The following MAML2 variants were observed in gnomAD, a reference collection of about 807,000 sequenced individuals.
The protein encoded by MAML2 is mastermind like transcriptional coactivator 2.
Under a neutral mutation model 96.1 loss-of-function variants are expected in MAML2, and 22 were observed. That is an observed-to-expected ratio of 0.23 (90% CI 0.16 to 0.33). MAML2 has a LOEUF of 0.33. MAML2 is among the 10% of genes least tolerant of loss of function. The pLI is 1.00. For synonymous variants in MAML2, 561 were observed against 521.3 expected, an observed-to-expected ratio of 1.08 and a Z score of -1.04; for missense variants, 1,367 against 1,392.4, an observed-to-expected ratio of 0.98 and a Z score of 0.29.
intron 1 of MAML2, among the ~76,000 whole-genome samples, chr11:96,122,144 G>A (rs1298742497): frequency 1.3e-5 from 2 of 151,438 alleles, no homozygotes; most frequent in Non-Finnish European, 2.9e-5. Context: ...CCTGAGAACT[G>A]ACCTGTGTAT....
intron 1 of MAML2, among the ~76,000 whole-genome samples, chr11:96,244,204 G>A (rs1862480998): frequency 6.6e-6 from 1 of 152,218 alleles, no homozygotes; most frequent in African/African-American, 2.4e-5. Context: ...TGTCTCCCTG[G>A]AGGGTAAGAC....
chr11:96,196,724 A>G (rs374061509), intron 1 of MAML2, among the ~76,000 whole-genome samples: 21 of 152,348 alleles, frequency 1.4e-4, no homozygotes, highest in African/African-American at 5.1e-4. Flanking sequence ...TCTAGGGTAA[A>G]TAAGGCTAAG....
intron 1 of MAML2, among the ~76,000 whole-genome samples, chr11:96,153,017 T>C (rs1346407444): frequency 1.3e-5 from 2 of 152,236 alleles, no homozygotes; most frequent in Non-Finnish European, 2.9e-5. Context: ...AGGGTAGTTT[T>C]ACCCACTGAT....
At chr11:96,136,425 G>A (rs1860633650) in intron 1 of MAML2, among the ~76,000 whole-genome samples, 1 of 151,762 alleles carries the variant, frequency 6.6e-6, no homozygotes, top group Non-Finnish European at 1.5e-5. Flanking sequence ...TATCACAAAT[G>A]TCTATTTAGC....
Position 95,982,926 on chromosome 11 carries a change from T to C in MAML2, c.2455+2605A>G, listed in dbSNP as rs7125659. Among the ~76,000 whole-genome samples the C allele has an allele frequency of 1.9e-3, 287 of 152,282 alleles. 1 individual carries two copies. The highest frequency in any genetic ancestry group is 2.8e-3 in the Non-Finnish European group (192 of 68,018). ...GTGACTTTCAGTCCTGTAAGCTCCA[T>C]TCATGGTGAGTGCCCTACACATATG... On this transcript the variant is annotated intron_variant, in intron 4 of 4. Coordinates refer to ENST00000524717, the MANE Select transcript of MAML2 (RefSeq NM_032427.4).
At chr11:96,088,125 G>A (rs1859647946) in intron 2 of MAML2, among the ~76,000 whole-genome samples, 1 of 152,190 alleles carries the variant, frequency 6.6e-6, no homozygotes, top group Admixed American at 6.5e-5. Context: ...TTGATATGGT[G>A]TAGAGAAGGA....
At position 95,979,164 on chromosome 11, in the gene MAML2, G is replaced by C; in HGVS notation, c.3255C>G (p.Ser1085Arg). 6.2e-7 allele frequency: 1 copy of C among 1,614,012 alleles called. No individual in the cohort carries two copies. The highest frequency in any genetic ancestry group is 8.5e-7 in the Non-Finnish European group (1 of 1,179,876). The part of the protein sequence containing the change: ...GINQPPSLTP[S>R]NFPSPNQSSR... ...AACTTTGGTTGGGTGAAGGAAAATT[G>C]CTGGGCGTCAGGGATGGTGGCTGGT... Residue 1085 changes from serine (S) to arginine (R), a missense_variant, in exon 5 of 5, where the codon AGC becomes AGG. Physicochemically the swap from Ser to Arg is moderately radical, Grantham distance 110 (BLOSUM62 -1). Coordinates refer to ENST00000524717, the MANE Select transcript of MAML2 (RefSeq NM_032427.4).
chr11:96,245,807 C>G (rs7101822), intron 1 of MAML2, among the ~76,000 whole-genome samples: 1 of 151,280 alleles, frequency 6.6e-6, no homozygotes, highest in Non-Finnish European at 1.5e-5. Context: ...GGGGTTCAAG[C>G]AATTCTCCTG....
intron 2 of MAML2, among the ~76,000 whole-genome samples, chr11:96,048,044 G>A (rs1054529258): frequency 1.3e-5 from 2 of 152,048 alleles, no homozygotes; most frequent in African/African-American, 2.4e-5. Context: ...GGAGGTGGTA[G>A]GTGGGGTAGT....
At chr11:96,051,500 GGCAT>G (rs1208511083) in intron 2 of MAML2, among the ~76,000 whole-genome samples, 2 of 152,032 alleles carry the variant, frequency 1.3e-5, no homozygotes, top group East Asian at 3.9e-4. Context: ...ATAAATTTGA[GGCAT>G]GCAGAAGCTG....
At chr11:96,146,772 T>A (rs78899941) in intron 1 of MAML2, among the ~76,000 whole-genome samples, 1,548 of 152,336 alleles carry the variant, frequency 0.01, 18 homozygotes, top group Admixed American at 0.021. Flanking sequence ...TTGACAGTTG[T>A]TCATTTGGGT....
At chr11:96,068,009 T>C (rs949450130) in intron 2 of MAML2, among the ~76,000 whole-genome samples, 20 of 152,180 alleles carry the variant, frequency 1.3e-4, no homozygotes, top group Non-Finnish European at 2.9e-4. Flanking sequence ...GAGAGAGTTT[T>C]ATGAAGAAAA....
intron 2 of MAML2, among the ~76,000 whole-genome samples, chr11:96,028,862 A>G (rs1858566365): frequency 6.6e-6 from 1 of 152,204 alleles, no homozygotes; most frequent in East Asian, 1.9e-4. Context: ...GGTCTTATCA[A>G]TAGTAACATC....
chr11:96,009,948 A>G (rs1858241667), intron 2 of MAML2, among the ~76,000 whole-genome samples: 1 of 152,210 alleles, frequency 6.6e-6, no homozygotes, highest in Non-Finnish European at 1.5e-5. Context: ...GCCTAACAGG[A>G]TTTATAAGGC....
intron 1 of MAML2, among the ~76,000 whole-genome samples, chr11:96,143,349 A>T (rs1860765044): frequency 6.6e-6 from 1 of 152,222 alleles, no homozygotes; most frequent in Non-Finnish European, 1.5e-5. Flanking sequence ...GAAGATTCAG[A>T]TGGACAGTCC....
At chr11:96,095,167 G>C (rs1859803959) in intron 1 of MAML2, among the ~76,000 whole-genome samples, 1 of 152,090 alleles carries the variant, frequency 6.6e-6, no homozygotes, top group Non-Finnish European at 1.5e-5. Flanking sequence ...GCTCTAATTA[G>C]TTTGTTCAGG....
intron 2 of MAML2, among the ~76,000 whole-genome samples, chr11:96,007,357 G>A (rs1008945160): frequency 6.6e-6 from 1 of 151,988 alleles, no homozygotes; most frequent in Non-Finnish European, 1.5e-5. Flanking sequence ...AAGATTTCTA[G>A]TATATCTTTG....
At chr11:96,055,664 C>G (rs1859055206) in intron 2 of MAML2, among the ~76,000 whole-genome samples, 1 of 151,886 alleles carries the variant, frequency 6.6e-6, no homozygotes, top group Admixed American at 6.6e-5. Flanking sequence ...GTGTCAAGCA[C>G]AAAGAAAAAG....
intron 1 of MAML2, among the ~76,000 whole-genome samples, chr11:96,323,238 CT>C (rs895071667): frequency 6.6e-6 from 1 of 152,022 alleles, no homozygotes; most frequent in Non-Finnish European, 1.5e-5. Flanking sequence ...TAAAAGGCAG[CT>C]TATAGAAAAA....
Sources: allele counts gnomAD v4.1 joint callset (sites outside exome capture counted in the v4.1 genomes callset), GRCh38; gene constraint gnomAD v4.1.1; transcripts MANE v1.5; gene names NCBI Gene and HGNC (gene_info 2026-07-23, HGNC 2026-07-21).